ZNF525: variants seen among roughly 807,000 people sequenced by gnomAD.
ZNF525 encodes zinc finger protein 525.
ZNF525 carries 33 observed loss-of-function variants against 37.6 expected under a neutral mutation model. The ratio of observed to expected loss-of-function variants is 0.88; its 90% CI spans 0.67 to 1.17. The LOEUF is 1.17. ZNF525 is among the 50% of genes most tolerant of loss of function. The pLI is 0.00. For missense variants in ZNF525, 449 were observed against 543.1 expected (o/e 0.83, Z 1.72); for synonymous variants, 170 against 182.3 (o/e 0.93, Z 0.54).
Position 53,382,098 on chromosome 19 carries a change from A to G in ZNF525, c.*79A>G. The stretch of plus-strand genomic sequence containing the variant: ...TGATTGTGGCAAGATCTTCAGTCAT[A>G]CGTCATCCATTGTATACCATCATAA... On this transcript the variant is annotated 3_prime_UTR_variant, in exon 4 of 4. Coordinates refer to ENST00000474037, the MANE Select transcript of ZNF525 (RefSeq NM_001348156.2). 6.6e-7 allele frequency: 1 copy of G among 1,526,148 alleles called. No homozygotes were observed. Among genetic ancestry groups the G allele is most frequent in the Non-Finnish European group, 9.0e-7 (1 of 1,108,810 alleles). 94.5% of individuals were successfully genotyped at this position (1,526,148 alleles called of 1,614,324 possible). A position where few individuals can be genotyped will look rare whatever the true frequency, so the allele number is the denominator to read the frequency against.
intron 2 of ZNF525, among the ~76,000 whole-genome samples, chr19:53,372,564 A>G: frequency 6.6e-6 from 1 of 152,174 alleles, no homozygotes; most frequent in Non-Finnish European, 1.5e-5. Context: ...CCGTGGTGTC[A>G]GTGCTGTTGG....
rs924481480 is a variant in ZNF525, at chr19:53,381,941, T to C, written c.1362T>C (p.Leu454=). The C allele has an allele frequency of 2.0e-6, 2 of 975,836 alleles. No individual in the cohort carries two copies. Among genetic ancestry groups the C allele is most frequent in the Admixed American group, 3.4e-5 (2 of 59,130 alleles). 60.4% of individuals were successfully genotyped at this position (975,836 alleles called of 1,614,324 possible). Residue 454 remains leucine (L), a synonymous_variant, in exon 4 of 4, where the codon CTT becomes CTC. Transcript: ENST00000474037. ...CGKTFSQELS[L]TCHCRLHSGE... ...AGACCTTCAGTCAGGAGTTATCCCT[T>C]ACCTGCCATTGTAGACTTCATAGTG...
intron 2 of ZNF525, among the ~76,000 whole-genome samples, chr19:53,372,763 G>A (rs11084239): frequency 0.88 from 134,557 of 152,224 alleles, 59,639 homozygotes; most frequent in South Asian, 0.97. Context: ...TAATTGAATG[G>A]GTTGCTGTGT....
rs1257761913 is a variant in ZNF525, at chr19:53,381,752, C to T, written c.1173C>T (p.Thr391=). ...ACAAGTGTAATGATTGTGGCAAGACCTTCAGTCATATGTCAACCCTTACAT... is the reference window on the plus strand; with the variant it reads ...ACAAGTGTAATGATTGTGGCAAGACTTTCAGTCATATGTCAACCCTTACAT... ...KPYKCNDCGK[T]FSHMSTLTCH... Residue 391 remains threonine, a synonymous_variant, in exon 4 of 4, where the codon ACC becomes ACT. Transcript: ENST00000474037. 3.7e-6 allele frequency: 4 copies of T among 1,068,698 alleles called. No homozygotes were observed. Among genetic ancestry groups the T allele is most frequent in the African/African-American group, 1.5e-5 (1 of 64,846 alleles). The allele number at this position is 1,068,698 out of a possible 1,614,324, so 66.2% of individuals were successfully genotyped here.
At chr19:53,378,185 A>T (rs1254295794) in intron 3 of ZNF525, among the ~76,000 whole-genome samples, 3 of 152,144 alleles carry the variant, frequency 2.0e-5, no homozygotes, top group African/African-American at 7.2e-5. Flanking sequence ...GGCTAGGTGT[A>T]GTGGCTCAAG....
At chr19:53,368,580 G>A (rs1221094830) in intron 1 of ZNF525, among the ~76,000 whole-genome samples, 3 of 152,188 alleles carry the variant, frequency 2.0e-5, no homozygotes, top group Non-Finnish European at 4.4e-5. Flanking sequence ...AACATAACAT[G>A]AGGAAATGCT....
At position 53,381,945 on chromosome 19, in the gene ZNF525, T is replaced by G. The variant is rs1374046979; in HGVS notation, c.1366T>G (p.Cys456Gly). The G allele has an allele frequency of 1.0e-6, 1 of 973,994 alleles. No homozygotes were observed. Among genetic ancestry groups the G allele is most frequent in the Non-Finnish European group, 1.7e-6 (1 of 596,128 alleles). The allele number at this position is 973,994 out of a possible 1,614,324, so 60.3% of individuals were successfully genotyped here. ...CTTCAGTCAGGAGTTATCCCTTACC[T>G]GCCATTGTAGACTTCATAGTGGAGA... Reference protein sequence around the residue: ...KTFSQELSLTCHCRLHSGEKP... With the variant: ...KTFSQELSLTGHCRLHSGEKP... Residue 456 changes from cysteine to glycine, a missense_variant, in exon 4 of 4, where the codon TGC (cysteine) becomes GGC (glycine). Cys to Gly is a radical substitution (Grantham distance 159, BLOSUM62 -3). Coordinates refer to ENST00000474037, the MANE Select transcript of ZNF525 (RefSeq NM_001348156.2).
rs1329699945 is a variant in ZNF525, at chr19:53,382,167, G to GA, written c.*150dup. 5.7e-6 allele frequency: 9 copies of GA among 1,591,742 alleles called. No individual in the cohort carries two copies. Among genetic ancestry groups the GA allele is most frequent in the Non-Finnish European group, 7.7e-6 (9 of 1,161,390 alleles). On this transcript the variant is annotated 3_prime_UTR_variant, in exon 4 of 4. Transcript: ENST00000474037. ...ACCTTACAAATGTGAAGAATGTGATGAAGCTTTCAGTTTCAAATCAAACCT... is the reference window on the plus strand; with the variant it reads ...ACCTTACAAATGTGAAGAATGTGATGAAAGCTTTCAGTTTCAAATCAAACCT...
rs2085607670 is a variant in ZNF525, at chr19:53,386,398, T to C, written c.*4379T>C. On this transcript the variant is annotated 3_prime_UTR_variant, in exon 4 of 4. Transcript: ENST00000474037. The stretch of plus-strand genomic sequence containing the variant: ...CAAGCTGGGTCTATAAGGAATTGCA[T>C]GTGAGATGGCACACATATTTATGCT... 6 of 863,324 alleles carry C rather than the reference T, an allele frequency of 6.9e-6. No individual in the cohort carries two copies. Among genetic ancestry groups the C allele is most frequent in the African/African-American group, 1.9e-5 (1 of 51,512 alleles). 53.5% of individuals were successfully genotyped at this position (863,324 alleles called of 1,614,324 possible).
At chr19:53,376,110 A>T (rs1258007859) in intron 3 of ZNF525, 1 of 1,130,766 alleles carries the variant, frequency 8.8e-7, no homozygotes, top group East Asian at 2.6e-5. Flanking sequence ...ATGCCAGGAT[A>T]CTTTTTTAGT....
intron 3 of ZNF525, among the ~76,000 whole-genome samples, chr19:53,378,629 T>C (rs1417820594): frequency 6.6e-6 from 1 of 152,226 alleles, no homozygotes; most frequent in Non-Finnish European, 1.5e-5. Flanking sequence ...AAGAGCAAGG[T>C]GCCAGCCACA....
chr19:53,376,167 T>C, intron 3 of ZNF525: 1 of 823,442 alleles, frequency 1.2e-6, no homozygotes, highest in Non-Finnish European at 2.0e-6. Flanking sequence ...AAGTTGGTCT[T>C]GATCTCCTGG....
chr19:53,366,801 G>C (rs1488951750), intron 1 of ZNF525, among the ~76,000 whole-genome samples: 3 of 148,520 alleles, frequency 2.0e-5, no homozygotes, highest in African/African-American at 7.8e-5. Flanking sequence ...TGGGGACAGG[G>C]GGTATAACAG....
chr19:53,386,344 G>T lies in ZNF525; in HGVS notation c.*4325G>T. ...CAAAACTGGTAATAAAATCAGGTAC[G>T]ACTCCAAAAGGAGACATTGGAGAAG... On this transcript the variant is annotated 3_prime_UTR_variant, in exon 4 of 4. Transcript: ENST00000474037. The T allele has an allele frequency of 2.5e-6, 2 of 792,664 alleles. No homozygotes were observed. The highest frequency in any genetic ancestry group is 4.4e-6 in the Non-Finnish European group (2 of 458,372). 49.1% of individuals were successfully genotyped at this position (792,664 alleles called of 1,614,324 possible). A position where few individuals can be genotyped will look rare whatever the true frequency, so the allele number is the denominator to read the frequency against.
At position 53,384,900 on chromosome 19, in the gene ZNF525, T is replaced by A. The variant is rs563229930; in HGVS notation, c.*2881T>A. The A allele has an allele frequency of 1.4e-6, 1 of 697,738 alleles. No individual in the cohort carries two copies. The highest frequency in any genetic ancestry group is 2.6e-6 in the Non-Finnish European group (1 of 383,278). The allele number at this position is 697,738 out of a possible 1,614,324, so 43.2% of individuals were successfully genotyped here. A position where few individuals can be genotyped will look rare whatever the true frequency, so the allele number is the denominator to read the frequency against. ...GCATTCCATTTTCCCTGCTTGGTTATTTACTCATTTGTCATTTCATGGATG... is the reference window on the plus strand; with the variant it reads ...GCATTCCATTTTCCCTGCTTGGTTAATTACTCATTTGTCATTTCATGGATG... On this transcript the variant is annotated 3_prime_UTR_variant, in exon 4 of 4. Transcript: ENST00000474037.
chr19:53,367,677 T>C (rs1477468157), intron 1 of ZNF525, among the ~76,000 whole-genome samples: 27 of 152,214 alleles, frequency 1.8e-4, no homozygotes. Context: ...CATGGGATAA[T>C]TTTTTCATAC....
Position 53,385,170 on chromosome 19 carries a change from T to G in ZNF525, c.*3151T>G. Reference sequence around the variant, plus strand: ...TAATATCCTCTTGAATACAGTTTTCTAGGACAAGGGATCTTCAAGAAGTTC... The same window carrying G: ...TAATATCCTCTTGAATACAGTTTTCGAGGACAAGGGATCTTCAAGAAGTTC... On this transcript the variant is annotated 3_prime_UTR_variant, in exon 4 of 4. Transcript: ENST00000474037. The G allele has an allele frequency of 2.0e-6, 1 of 504,804 alleles. No homozygotes were observed. The highest frequency in any genetic ancestry group is 3.5e-6 in the Non-Finnish European group (1 of 287,052). The allele number at this position is 504,804 out of a possible 1,614,324, so 31.3% of individuals were successfully genotyped here. A position where few individuals can be genotyped will look rare whatever the true frequency, so the allele number is the denominator to read the frequency against.
chr19:53,376,860 C>G (rs924842177), intron 3 of ZNF525, among the ~76,000 whole-genome samples: 1 of 152,170 alleles, frequency 6.6e-6, no homozygotes, highest in African/African-American at 2.4e-5. Flanking sequence ...ATCCCTGCTA[C>G]TCAAGAGGCT....
chr19:53,376,381 G>A (rs1410601916), intron 3 of ZNF525: 4 of 691,056 alleles, frequency 5.8e-6, no homozygotes, highest in Non-Finnish European at 1.1e-5. Flanking sequence ...ATTTGCATTT[G>A]AAATATTACT....
Sources: allele counts gnomAD v4.1 joint callset (sites outside exome capture counted in the v4.1 genomes callset), GRCh38; gene constraint gnomAD v4.1.1; transcripts MANE v1.5; gene names NCBI Gene and HGNC (gene_info 2026-07-23, HGNC 2026-07-21).